Variants in KIF26B observed in about 807,000 individuals in gnomAD.
KIF26B encodes kinesin-like protein KIF26B.
In KIF26B, 63 loss-of-function variants were observed where a neutral mutation model predicts 151.2. The ratio of observed to expected loss-of-function variants is 0.42; its 90% CI spans 0.34 to 0.51. The LOEUF (loss-of-function observed/expected upper bound fraction) is 0.51. Ranked by LOEUF, KIF26B falls within the 20% of genes least tolerant of loss-of-function variation. KIF26B has a pLI of 0.07. For missense variants in KIF26B, 2,813 were observed against 2,913.6 expected (o/e 0.97, Z 0.79); for synonymous variants, 1,357 against 1,262.1 (o/e 1.08, Z -1.59).
At chr1:245,629,377 T>C (rs1362340019) in intron 9 of KIF26B, among the ~76,000 whole-genome samples, 1 of 152,114 alleles carries the variant, frequency 6.6e-6, no homozygotes, top group Non-Finnish European at 1.5e-5. Flanking sequence ...CAAAACAACA[T>C]GGTACTGGTA....
At chr1:245,199,377 G>C (rs1283116185) in intron 2 of KIF26B, among the ~76,000 whole-genome samples, 1 of 152,100 alleles carries the variant, frequency 6.6e-6, no homozygotes, top group East Asian at 1.9e-4. Flanking sequence ...GTAGTGCGTA[G>C]TTGATTAGGG....
In KIF26B at chr1:245,269,777, CT is replaced by C. The variant is rs551572763; in HGVS notation, c.466-97048del. 4.6e-5 allele frequency among the ~76,000 whole-genome samples: 7 copies of C among 151,118 alleles called. No individual in the cohort carries two copies. The South Asian group carries it at 6.3e-4, about 14-fold the overall frequency. On this transcript the variant is annotated intron_variant, in intron 2 of 14. Transcript: ENST00000407071. ...CGCACCTGCCCCCACCCCCTGCCAC[CT>C]TTTTTTTTAAAGGCTGAATAATATT...
At chr1:245,541,173 TG>T (rs1014376452) in intron 5 of KIF26B, among the ~76,000 whole-genome samples, 5 of 152,132 alleles carry the variant, frequency 3.3e-5, no homozygotes, top group Admixed American at 3.3e-4. Flanking sequence ...TTGCTTTTGG[TG>T]GGAAAAATCA....
intron 3 of KIF26B, among the ~76,000 whole-genome samples, chr1:245,376,673 G>A (rs1000555819): frequency 1.3e-5 from 2 of 152,074 alleles, no homozygotes; most frequent in African/African-American, 4.8e-5. Flanking sequence ...TAACTATGTG[G>A]CTTTATTTTT....
intron 2 of KIF26B, among the ~76,000 whole-genome samples, chr1:245,292,964 G>T (rs1671280379): frequency 6.6e-6 from 1 of 152,134 alleles, no homozygotes; most frequent in African/African-American, 2.4e-5. Context: ...TTTCTTCAAA[G>T]CCCAGGTCTG....
chr1:245,331,238 C>T (rs973390650), intron 2 of KIF26B, among the ~76,000 whole-genome samples: 6 of 152,018 alleles, frequency 3.9e-5, no homozygotes, highest in Admixed American at 1.3e-4. Context: ...GGTGCACGTG[C>T]GGACCAGAGG....
At chr1:245,692,774 C>T (rs560512353) in intron 12 of KIF26B, among the ~76,000 whole-genome samples, 10 of 152,234 alleles carry the variant, frequency 6.6e-5, no homozygotes, top group Middle Eastern at 3.4e-3. Flanking sequence ...TGACCAACAA[C>T]GTGATAAGGT....
rs540878446 is a variant in KIF26B at position 245,688,361 on chromosome 1, C to T, written c.5378C>T (p.Ser1793Leu). The change falls in exon 12 of 15, where the codon TCG becomes TTG. Residue 1793 changes from serine to leucine, a missense_variant. By Grantham distance (145) the Ser-to-Leu change is moderately radical. Around this residue, in one of 3 missense-constraint regions of KIF26B, gnomAD observed 2,060 missense variants for 2,088.6 expected, o/e 0.99. Coordinates refer to ENST00000407071, the MANE Select transcript of KIF26B (RefSeq NM_018012.4). ...STQSLSRNRS[S>L]GLASKLPLRA... Reference sequence around the variant, plus strand: ...CAGTCCCTCAGCAGGAACAGGAGCTCGGGCCTGGCCTCCAAGCTTCCCCTG... The same window carrying T: ...CAGTCCCTCAGCAGGAACAGGAGCTTGGGCCTGGCCTCCAAGCTTCCCCTG... The T allele has an allele frequency of 4.1e-4, 632 of 1,557,348 alleles. 5 individuals carry two copies. The South Asian group carries it at 7.0e-3, about 17-fold the overall frequency.
chr1:245,504,376 C>T (rs1281509849), intron 4 of KIF26B, among the ~76,000 whole-genome samples: 1 of 91,828 alleles, frequency 1.1e-5, no homozygotes, highest in Non-Finnish European at 2.5e-5. Flanking sequence ...TTCTCCCTCC[C>T]TCCTTCCCTC....
chr1:245,493,189 C>A (rs1327189114), intron 4 of KIF26B, among the ~76,000 whole-genome samples: 1 of 152,154 alleles, frequency 6.6e-6, no homozygotes, highest in Non-Finnish European at 1.5e-5. Context: ...CGCCCCTATC[C>A]TTTTAGGCAA....
chr1:245,529,740 A>C (rs984178792), intron 4 of KIF26B, among the ~76,000 whole-genome samples: 1 of 152,006 alleles, frequency 6.6e-6, no homozygotes, highest in Non-Finnish European at 1.5e-5. Context: ...CATTGAGGAA[A>C]CCCCCCAGGG....
At chr1:245,615,699 T>C (rs1448392647) in intron 9 of KIF26B, among the ~76,000 whole-genome samples, 1 of 152,250 alleles carries the variant, frequency 6.6e-6, no homozygotes, top group Non-Finnish European at 1.5e-5. Flanking sequence ...TCCTTCCTAA[T>C]GTTTCAGTGG....
chr1:245,197,052 TCAG>T (rs1669208422), intron 2 of KIF26B, among the ~76,000 whole-genome samples: 1 of 152,198 alleles, frequency 6.6e-6, no homozygotes, highest in South Asian at 2.1e-4. Flanking sequence ...GTCGAGCCAC[TCAG>T]AGGGCACGGA....
intron 9 of KIF26B, among the ~76,000 whole-genome samples, chr1:245,643,263 T>C (rs2043912556): frequency 6.6e-6 from 1 of 152,214 alleles, no homozygotes; most frequent in East Asian, 1.9e-4. Flanking sequence ...TGTTTTCTAT[T>C]TGTCCCATCT....
chr1:245,173,022 G>A (rs1558333492), intron 2 of KIF26B, among the ~76,000 whole-genome samples: 1 of 152,178 alleles, frequency 6.6e-6, no homozygotes, highest in East Asian at 1.9e-4. Context: ...ACACATGAAT[G>A]ACTAAGCAAA....
At chr1:245,381,639 T>C (rs578151034) in intron 3 of KIF26B, among the ~76,000 whole-genome samples, 1 of 152,256 alleles carries the variant, frequency 6.6e-6, no homozygotes, top group African/African-American at 2.4e-5. Context: ...TACATTGACA[T>C]GATGTGCAGC....
In KIF26B at chr1:245,296,571, G is replaced by A. The variant is rs116519480; in HGVS notation, c.466-70263G>A. On this transcript the variant is annotated intron_variant, in intron 2 of 14. Transcript: ENST00000407071. ...CGTGCAGCCAAAGGACCATCCCTGC[G>A]GGATTCAGACTCCAGATCCCCTGCT... Among the ~76,000 whole-genome samples, 480 of 152,274 alleles carry A rather than the reference G, an allele frequency of 3.2e-3. 1 individual carries two copies. The highest frequency in any genetic ancestry group is 0.011 in the African/African-American group (451 of 41,550).
At chr1:245,201,178 C>A (rs1669294519) in intron 2 of KIF26B, among the ~76,000 whole-genome samples, 1 of 152,200 alleles carries the variant, frequency 6.6e-6, no homozygotes, top group African/African-American at 2.4e-5. Flanking sequence ...AAATACAGTC[C>A]TGTCTCAGTA....
rs144768561 is a variant in KIF26B at position 245,238,828 on chromosome 1, C to T, written c.465+82145C>T. 6.1e-4 allele frequency among the ~76,000 whole-genome samples: 93 copies of T among 152,174 alleles called. No homozygotes were observed. The East Asian group carries it at 0.016, about 26-fold the overall frequency. On this transcript the variant is annotated intron_variant, in intron 2 of 14. Coordinates refer to ENST00000407071, the MANE Select transcript of KIF26B (RefSeq NM_018012.4). ...AGTGAGCTGAGTTGGTGCCACTGCA[C>T]TCCAGCCTGGGTGACAAGAGCAAAA...
Sources: allele counts gnomAD v4.1 joint callset (sites outside exome capture counted in the v4.1 genomes callset), GRCh38; gene constraint gnomAD v4.1.1; regional missense constraint gnomAD v4.1.1; transcripts MANE v1.5; gene names NCBI Gene and HGNC (gene_info 2026-07-23, HGNC 2026-07-21).